Variants in RNF135 observed in about 807,000 individuals in gnomAD.
RNF135 encodes E3 ubiquitin-protein ligase RNF135.
In RNF135, 46 loss-of-function variants were observed where a neutral mutation model predicts 41.9. The observed-to-expected ratio is 1.10, with a 90% CI of 0.87 to 1.40. The LOEUF (loss-of-function observed/expected upper bound fraction) is 1.40. Ranked by LOEUF, RNF135 falls within the 40% of genes most tolerant of loss-of-function variation. The probability of loss-of-function intolerance (pLI) is 0.00; values close to 1 mark genes in which losing one functional copy is unlikely to be tolerated. For missense variants in RNF135, 539 were observed against 549.8 expected (o/e 0.98, Z 0.20); for synonymous variants, 238 against 223.8 (o/e 1.06, Z -0.57).
intron 1 of RNF135, chr17:30,975,309 C>T (rs1567737601): frequency 4.7e-6 from 3 of 639,704 alleles, no homozygotes; most frequent in Non-Finnish European, 8.5e-6. Context: ...GGCAACAGAG[C>T]AACATCCTGT....
chr17:30,969,759 C>CTTTTTTTTTTTTTTTTTTTTTTT (rs757330088), upstream of RNF135, among the ~76,000 whole-genome samples: 30 of 122,602 alleles, frequency 2.4e-4, no homozygotes, highest in South Asian at 5.5e-4. Flanking sequence ...TCTTTTTTTT[C>CTTTTTTTTTTTTTTTTTTTTTTT]TTTTTTTTTT....
the RNF135 span, among the ~76,000 whole-genome samples, chr17:30,961,086 G>A: frequency 6.6e-6 from 1 of 152,112 alleles, no homozygotes; most frequent in African/African-American, 2.4e-5. Flanking sequence ...ATACCTTTGA[G>A]ATTCATCAAA....
intron 3 of RNF135, among the ~76,000 whole-genome samples, chr17:30,995,758 CTT>C (rs113604380): frequency 6.8e-6 from 1 of 146,034 alleles, no homozygotes; most frequent in Non-Finnish European, 1.5e-5. Context: ...GAATTTGTTA[CTT>C]TTTTTTTTTT....
At position 30,990,915 on chromosome 17, in the gene RNF135, G is replaced by A. The variant is rs572832307; in HGVS notation, c.679+2809G>A. 2.8e-4 allele frequency among the ~76,000 whole-genome samples: 42 copies of A among 152,208 alleles called. No homozygotes were observed. In the South Asian group the frequency reaches 5.6e-3, roughly 20 times the overall value. ...TACTCCATCCTCTGCAGATGAATAC[G>A]TGATTGTTTCCAATTGTTTACAATG... On this transcript the variant is annotated intron_variant, in intron 3 of 4. Transcript: ENST00000328381.
At chr17:30,970,084 T>G (rs1386875035), upstream of RNF135, 1 of 152,186 alleles carries the variant, frequency 6.6e-6, no homozygotes, top group Non-Finnish European at 1.5e-5. Flanking sequence ...AAGGATAAAG[T>G]AAAGCATGAG....
At chr17:30,971,028 T>G (rs1170150072), upstream of RNF135, 2 of 1,532,588 alleles carry the variant, frequency 1.3e-6, no homozygotes, top group East Asian at 4.9e-5. Context: ...CTGAGGAGAC[T>G]CGCCCGGCTC....
upstream of RNF135, among the ~76,000 whole-genome samples, chr17:30,967,078 A>G (rs1211019591): frequency 1.3e-5 from 2 of 152,108 alleles, no homozygotes; most frequent in Non-Finnish European, 2.9e-5. Context: ...TCTGTTGCCC[A>G]GACTGGAGTG....
At position 30,971,313 on chromosome 17, in the gene RNF135, C is replaced by T; in HGVS notation, c.240C>T (p.Asp80=). 7.2e-6 allele frequency: 11 copies of T among 1,534,172 alleles called. No individual in the cohort carries two copies. The highest frequency in any genetic ancestry group is 8.7e-6 in the Non-Finnish European group (10 of 1,143,684). Residue 80 remains aspartate (D), a synonymous_variant, in exon 1 of 5, where the codon GAC becomes GAT. Coordinates refer to ENST00000328381, the MANE Select transcript of RNF135 (RefSeq NM_032322.4). ...PHLRKNTLLQ[D]LADKYRRAAR... Reference sequence around the variant, plus strand: ...TGCGGAAGAACACGCTACTGCAGGACCTGGCCGACAAGTACCGCCGCGCCG... The same window carrying T: ...TGCGGAAGAACACGCTACTGCAGGATCTGGCCGACAAGTACCGCCGCGCCG...
chr17:30,962,622 G>T, the RNF135 span, among the ~76,000 whole-genome samples: 1 of 151,754 alleles, frequency 6.6e-6, no homozygotes, highest in African/African-American at 2.4e-5. Flanking sequence ...CTGCTACCAC[G>T]CCCGGCTACT....
rs548907013 is a variant in RNF135 at position 30,971,094 on chromosome 17, C to G, written c.21C>G (p.Gly7=). The G allele has an allele frequency of 6.5e-7, 1 of 1,534,338 alleles. No individual in the cohort carries two copies. The highest frequency in any genetic ancestry group is 2.4e-5 in the East Asian group (1 of 40,868). The change falls in exon 1 of 5, where the codon GGC becomes GGG. Residue 7 remains glycine, a synonymous_variant. Coordinates refer to ENST00000328381, the MANE Select transcript of RNF135 (RefSeq NM_032322.4). ...TGGCCATGGCGGGCCTGGGCCTGGG[C>G]TCCGCCGTTCCCGTGTGGCTGGCCG... The part of the protein sequence containing the change: MAGLGL[G]SAVPVWLAED...
In RNF135 at chr17:30,999,677, C is replaced by T. The variant is rs188869825; in HGVS notation, c.*486C>T. The stretch of plus-strand genomic sequence containing the variant: ...AGTGAAGCATGCCAATGTGATCAAT[C>T]CCTAGTAAAAGCCCTGGACACCTAG... On this transcript the variant is annotated 3_prime_UTR_variant, in exon 5 of 5. Coordinates refer to ENST00000328381, the MANE Select transcript of RNF135 (RefSeq NM_032322.4). 1.1e-5 allele frequency: 2 copies of T among 175,178 alleles called. No individual in the cohort carries two copies. The highest frequency in any genetic ancestry group is 5.4e-5 in the Admixed American group (1 of 18,678). 10.9% of individuals were successfully genotyped at this position (175,178 alleles called of 1,614,324 possible).
chr17:30,971,494 C>CG, intron 1 of RNF135, 49 bp downstream of exon 1: 1 of 1,441,312 alleles, frequency 6.9e-7, no homozygotes, highest in African/African-American at 1.5e-5. Flanking sequence ...GGCTGCCCGC[C>CG]GCCTGACCCT....
upstream of RNF135, chr17:30,970,986 G>T: frequency 6.6e-7 from 1 of 1,509,978 alleles, no homozygotes; most frequent in Non-Finnish European, 8.9e-7. Flanking sequence ...AAAGGAGGAG[G>T]GCAAGGGGAA....
At position 30,971,252 on chromosome 17, in the gene RNF135, C is replaced by G; in HGVS notation, c.179C>G (p.Pro60Arg). 4.6e-6 allele frequency: 7 copies of G among 1,521,910 alleles called. No homozygotes were observed. Among genetic ancestry groups the G allele is most frequent in the Non-Finnish European group, 6.1e-6 (7 of 1,140,016 alleles). 94.3% of individuals were successfully genotyped at this position (1,521,910 alleles called of 1,614,324 possible). Residue 60 changes from proline to arginine, a missense_variant, in exon 1 of 5, where the codon CCC becomes CGC. Pro to Arg is a moderately radical substitution (Grantham distance 103). Coordinates refer to ENST00000328381, the MANE Select transcript of RNF135 (RefSeq NM_032322.4). ...CGCGACGCCCGCCGCTGGGCCTGCC[C>G]CACTTGCCGCCAGGGCGCCGCGCAG... ...GARDARRWAC[P>R]TCRQGAAQQP... is the part of the protein sequence containing the mutation.
At chr17:30,974,589 G>A (rs578112888) in intron 1 of RNF135, among the ~76,000 whole-genome samples, 1 of 149,102 alleles carries the variant, frequency 6.7e-6, no homozygotes, top group African/African-American at 2.5e-5. Flanking sequence ...TTCCTTCAGT[G>A]ATTTTTTTTT....
upstream of RNF135, among the ~76,000 whole-genome samples, chr17:30,967,724 C>T (rs1341519045): frequency 1.4e-5 from 2 of 145,394 alleles, no homozygotes; most frequent in Non-Finnish European, 3.0e-5. Context: ...TTTTTTGAGA[C>T]GGAGTCTTGC....
At chr17:30,977,943 G>A (rs1388932104) in intron 1 of RNF135, among the ~76,000 whole-genome samples, 2 of 152,118 alleles carry the variant, frequency 1.3e-5, no homozygotes, top group African/African-American at 4.8e-5. Context: ...AAATCCCTTA[G>A]CTTTTGTTTG....
intron 4 of RNF135, among the ~76,000 whole-genome samples, chr17:30,998,372 C>A (rs1387272325): frequency 6.6e-6 from 1 of 152,140 alleles, no homozygotes; most frequent in African/African-American, 2.4e-5. Flanking sequence ...AATCCTGCTT[C>A]TTTTCTAAAT....
intron 1 of RNF135, among the ~76,000 whole-genome samples, chr17:30,979,516 A>G (rs1357406647): frequency 2.2e-5 from 1 of 45,802 alleles, no homozygotes; most frequent in African/African-American, 6.4e-5. Flanking sequence ...TCCCTCCCGG[A>G]CGGGGCAGCT....
Sources: gnomAD v4.1 joint callset for allele counts (sites outside exome capture counted in the v4.1 genomes callset) on GRCh38, gnomAD v4.1.1 for gene constraint, MANE v1.5 for transcripts, NCBI Gene and HGNC (gene_info 2026-07-23, HGNC 2026-07-21) for gene names.